The following DEUP1 variants were observed in gnomAD, a reference collection of about 807,000 sequenced individuals.
DEUP1 encodes the protein deuterosome assembly protein 1.
DEUP1 carries 82 observed loss-of-function variants against 87.4 expected under a neutral mutation model. The ratio of observed to expected loss-of-function variants is 0.94; its 90% CI spans 0.78 to 1.13. DEUP1 has a LOEUF of 1.13. Ranked by LOEUF, DEUP1 falls within the 50% of genes most tolerant of loss-of-function variation. The pLI is 0.00. For synonymous variants in DEUP1, 214 were observed against 222.7 expected, an observed-to-expected ratio of 0.96 and a Z score of 0.35; for missense variants, 663 against 681.5, an observed-to-expected ratio of 0.97 and a Z score of 0.30.
At position 93,370,186 on chromosome 11, in the gene DEUP1, G is replaced by GA. The variant is rs757916054; in HGVS notation, c.546_546+1insA (p.Gln184ThrfsTer12). 6.8e-7 allele frequency: 1 copy of GA among 1,463,560 alleles called. No individual in the cohort carries two copies. 90.7% of individuals were successfully genotyped at this position (1,463,560 alleles called of 1,614,324 possible). A position where few individuals can be genotyped will look rare whatever the true frequency, so the allele number is the denominator to read the frequency against. On this transcript the variant is annotated frameshift_variant and splice_region_variant. Coordinates refer to ENST00000298050, the MANE Select transcript of DEUP1 (RefSeq NM_181645.4). LOFTEE classifies it high-confidence loss of function. ...TATCTGAGAAGTGTAATCAGTTTCA[G>GA]GTAAGTTATCTAATACTATTCTCTA...
At chr11:93,374,134 G>GT (rs1186551105) in intron 7 of DEUP1, among the ~76,000 whole-genome samples, 1 of 151,968 alleles carries the variant, frequency 6.6e-6, no homozygotes, top group Non-Finnish European at 1.5e-5. Context: ...GGGATTGTTT[G>GT]TTTTTTTCTT....
chr11:93,410,787 G>A (rs1008526743), intron 12 of DEUP1, among the ~76,000 whole-genome samples: 4 of 152,122 alleles, frequency 2.6e-5, no homozygotes, highest in Non-Finnish European at 5.9e-5. Flanking sequence ...TCTTTGTCAG[G>A]CAGTACAGAA....
intron 13 of DEUP1, among the ~76,000 whole-genome samples, chr11:93,433,448 G>A (rs1015970372): frequency 1.3e-5 from 2 of 152,232 alleles, no homozygotes; most frequent in African/African-American, 4.8e-5. Flanking sequence ...GAGCCCAGGA[G>A]CTGGAAGTTA....
chr11:93,379,127 T>A (rs966155784), intron 7 of DEUP1, among the ~76,000 whole-genome samples: 2 of 152,140 alleles, frequency 1.3e-5, no homozygotes, highest in African/African-American at 4.8e-5. Flanking sequence ...CCTTTTAATA[T>A]CCCCAAAAAT....
intron 2 of DEUP1, among the ~76,000 whole-genome samples, chr11:93,344,718 T>C (rs1325785796): frequency 6.6e-6 from 1 of 152,208 alleles, no homozygotes; most frequent in Non-Finnish European, 1.5e-5. Context: ...AATATTTTTA[T>C]GGCTTAAATA....
At position 93,355,410 on chromosome 11, in the gene DEUP1, A is replaced by G; in HGVS notation, c.69A>G (p.Glu23=). The change falls in exon 3 of 14, where the codon GAA becomes GAG. Residue 23 remains glutamate (E), a synonymous_variant. Transcript: ENST00000298050. ...AGGCTGAGCTTCAGGAATTAATGGA[A>G]CAAATTGACATCATGGTAAGCAACA... ...PCEAELQELM[E]QIDIMVSNKK... The G allele has an allele frequency of 6.2e-7, 1 of 1,613,790 alleles. No individual in the cohort carries two copies. The highest frequency in any genetic ancestry group is 8.5e-7 in the Non-Finnish European group (1 of 1,179,772).
intron 13 of DEUP1, among the ~76,000 whole-genome samples, chr11:93,419,377 A>G (rs1294759780): frequency 6.6e-6 from 1 of 152,184 alleles, no homozygotes; most frequent in Non-Finnish European, 1.5e-5. Context: ...GTATGATAGC[A>G]TCAAGGTTGC....
intron 4 of DEUP1, among the ~76,000 whole-genome samples, chr11:93,363,886 T>C (rs1403731483): frequency 6.6e-6 from 1 of 151,918 alleles, no homozygotes; most frequent in Non-Finnish European, 1.5e-5. Flanking sequence ...CTGCATATGA[T>C]TAAAACAAAA....
intron 5 of DEUP1, among the ~76,000 whole-genome samples, chr11:93,368,766 C>G (rs1945550622): frequency 6.6e-6 from 1 of 152,034 alleles, no homozygotes; most frequent in Non-Finnish European, 1.5e-5. Flanking sequence ...GAAATGCTGT[C>G]TCTACTAAAA....
chr11:93,391,900 G>A (rs1439634829), intron 9 of DEUP1, among the ~76,000 whole-genome samples: 1 of 152,092 alleles, frequency 6.6e-6, no homozygotes, highest in African/African-American at 2.4e-5. Flanking sequence ...TCCGGGTTAG[G>A]ATACTTGTGC....
chr11:93,430,924 C>T (rs1048205744), intron 13 of DEUP1, among the ~76,000 whole-genome samples: 25 of 151,668 alleles, frequency 1.6e-4, no homozygotes, highest in African/African-American at 5.3e-4. Flanking sequence ...GGTGAAGCCC[C>T]GTCTCTACTA....
At chr11:93,418,359 A>C (rs1947724048) in intron 13 of DEUP1, among the ~76,000 whole-genome samples, 1 of 152,060 alleles carries the variant, frequency 6.6e-6, no homozygotes, top group African/African-American at 2.4e-5. Flanking sequence ...ACCCCATCAA[A>C]AAGTGGGCGA....
intron 9 of DEUP1, among the ~76,000 whole-genome samples, chr11:93,391,477 A>C (rs1311765973): frequency 6.6e-6 from 1 of 152,278 alleles, no homozygotes; most frequent in East Asian, 1.9e-4. Context: ...TGGGAGGCCA[A>C]GGTGGGCGGA....
At chr11:93,356,814 A>G in intron 3 of DEUP1, 134 bp from the exon 4 acceptor site, 1 of 662,552 alleles carries the variant, frequency 1.5e-6, no homozygotes, top group South Asian at 1.7e-5. Flanking sequence ...AGCTATTTTA[A>G]GAAGTGCAGT....
In DEUP1 at chr11:93,356,940, T is replaced by C. The variant is rs1446476892; in HGVS notation, c.202-8T>C. 9.6e-6 allele frequency: 15 copies of C among 1,566,542 alleles called. No homozygotes were observed. The highest frequency in any genetic ancestry group is 1.3e-5 in the Non-Finnish European group (15 of 1,153,118). On this transcript the variant is annotated splice_polypyrimidine_tract_variant and splice_region_variant and intron_variant, in intron 3 of 13. Coordinates refer to ENST00000298050, the MANE Select transcript of DEUP1 (RefSeq NM_181645.4). The stretch of plus-strand genomic sequence containing the variant: ...AAAAAGCAAAATTAAATTTTATTCT[T>C]CATGCAGGTAGGGTTACTTCGACAG...
At chr11:93,385,873 T>G (rs890267266) in intron 8 of DEUP1, among the ~76,000 whole-genome samples, 1 of 151,860 alleles carries the variant, frequency 6.6e-6, no homozygotes, top group Non-Finnish European at 1.5e-5. Context: ...GGCAACATAG[T>G]GAGACCCTGA....
At chr11:93,429,813 T>G (rs1461350813) in intron 13 of DEUP1, among the ~76,000 whole-genome samples, 1 of 152,178 alleles carries the variant, frequency 6.6e-6, no homozygotes, top group African/African-American at 2.4e-5. Flanking sequence ...TCTAAAATTC[T>G]ACATTACTCT....
intron 7 of DEUP1, among the ~76,000 whole-genome samples, chr11:93,379,223 T>C (rs1946185640): frequency 1.3e-5 from 2 of 152,150 alleles, no homozygotes; most frequent in Admixed American, 1.3e-4. Context: ...ACTTGTGGGA[T>C]AGAAGTGGCT....
Position 93,433,994 on chromosome 11 carries a change from G to C in DEUP1, c.1639-3549G>C, listed in dbSNP as rs547037488. Among the ~76,000 whole-genome samples the C allele has an allele frequency of 1.1e-4, 16 of 152,274 alleles. 1 individual carries two copies. The highest frequency in any genetic ancestry group is 6.8e-3 in the Middle Eastern group (2 of 294). On this transcript the variant is annotated intron_variant, in intron 13 of 13. Coordinates refer to ENST00000298050, the MANE Select transcript of DEUP1 (RefSeq NM_181645.4). The stretch of plus-strand genomic sequence containing the variant: ...CAGGTGAGGCAGGAGCCTCCAGTTC[G>C]GTGGAGGGCAGTTCCCCAAAGGAGC...
Sources: allele counts gnomAD v4.1 joint callset (sites outside exome capture counted in the v4.1 genomes callset), GRCh38; gene constraint gnomAD v4.1.1; transcripts MANE v1.5; gene names NCBI Gene and HGNC (gene_info 2026-07-23, HGNC 2026-07-21).